CDH12: variants seen among roughly 807,000 people sequenced by gnomAD.
CDH12 encodes the protein cadherin-12.
Under a neutral mutation model 74.1 loss-of-function variants are expected in CDH12, and 41 were observed. The observed-to-expected ratio is 0.55, with a 90% confidence interval of 0.43 to 0.72. The LOEUF (loss-of-function observed/expected upper bound fraction) is 0.72, where lower values mean the gene tolerates loss of function less well. CDH12 is among the 30% of genes least tolerant of loss of function. CDH12 has a pLI of 0.00. For missense variants in CDH12, 945 were observed against 977.2 expected, an observed-to-expected ratio of 0.97 and a Z score of 0.44; for synonymous variants, 399 against 355.0, an observed-to-expected ratio of 1.12 and a Z score of -1.39.
chr5:22,262,167 T>G (rs1753539604), intron 3 of CDH12, among the ~76,000 whole-genome samples: 1 of 151,886 alleles, frequency 6.6e-6, no homozygotes, highest in Admixed American at 6.6e-5. Flanking sequence ...GTGCACATTG[T>G]GCAGGTTAGT....
chr5:21,943,475 A>G (rs904115759), intron 6 of CDH12, among the ~76,000 whole-genome samples: 1 of 152,160 alleles, frequency 6.6e-6, no homozygotes, highest in African/African-American at 2.4e-5. Flanking sequence ...GTGTAGAAAA[A>G]AAAATGTGAA....
At chr5:21,910,480 G>T (rs763728216) in intron 6 of CDH12, among the ~76,000 whole-genome samples, 1 of 152,038 alleles carries the variant, frequency 6.6e-6, no homozygotes, top group Non-Finnish European at 1.5e-5. Context: ...TTTCTTGCAA[G>T]ATCGTGCAAA....
chr5:22,244,739 GA>G (rs1336505349), intron 3 of CDH12, among the ~76,000 whole-genome samples: 127 of 71,686 alleles, frequency 1.8e-3, no homozygotes, highest in East Asian at 1.5e-3. Context: ...AAGAAAGAAA[GA>G]AAAGAAAGAA....
At chr5:22,644,249 C>T (rs1739318524) in intron 1 of CDH12, among the ~76,000 whole-genome samples, 1 of 151,948 alleles carries the variant, frequency 6.6e-6, no homozygotes, top group African/African-American at 2.4e-5. Context: ...CTGCTAGGAC[C>T]CTCGCAATAA....
intron 4 of CDH12, among the ~76,000 whole-genome samples, chr5:22,149,072 C>A (rs1481066104): frequency 6.6e-6 from 1 of 152,104 alleles, no homozygotes; most frequent in Non-Finnish European, 1.5e-5. Context: ...GAGCCAAGAT[C>A]GTGTCACTGC....
intron 4 of CDH12, among the ~76,000 whole-genome samples, chr5:22,154,145 G>A (rs188118167): frequency 6.0e-4 from 90 of 150,150 alleles, no homozygotes; most frequent in Middle Eastern, 6.8e-3. Context: ...GCTGTACACT[G>A]TGATGTTTTG....
intron 4 of CDH12, among the ~76,000 whole-genome samples, chr5:22,158,395 A>T (rs1748147041): frequency 1.3e-5 from 2 of 152,172 alleles, no homozygotes; most frequent in Admixed American, 1.3e-4. Context: ...ATCACAAGTC[A>T]GTTGTCTTGT....
intron 1 of CDH12, among the ~76,000 whole-genome samples, chr5:22,558,592 G>C (rs1392356255): frequency 6.6e-6 from 1 of 151,810 alleles, no homozygotes; most frequent in Admixed American, 6.6e-5. Context: ...AAAGCCAAGA[G>C]AGACTTGAAG....
chr5:22,774,426 G>T (rs1580987005), intron 1 of CDH12, among the ~76,000 whole-genome samples: 1 of 152,066 alleles, frequency 6.6e-6, no homozygotes, highest in East Asian at 1.9e-4. Flanking sequence ...TAAACATTGG[G>T]TACACACGTG....
At chr5:21,925,777 TTTAA>T (rs755280884) in intron 6 of CDH12, among the ~76,000 whole-genome samples, 1 of 152,144 alleles carries the variant, frequency 6.6e-6, no homozygotes. Flanking sequence ...TAATAGAATG[TTTAA>T]TTAATAAGAG....
intron 1 of CDH12, among the ~76,000 whole-genome samples, chr5:22,721,379 G>C (rs1743874835): frequency 6.6e-6 from 1 of 152,210 alleles, no homozygotes; most frequent in Non-Finnish European, 1.5e-5. Flanking sequence ...GATTTGCATG[G>C]GGCTTATAGC....
At chr5:21,809,903 T>C (rs1484365565) in intron 9 of CDH12, among the ~76,000 whole-genome samples, 1 of 151,970 alleles carries the variant, frequency 6.6e-6, no homozygotes, top group African/African-American at 2.4e-5. Context: ...GGGGACAAAA[T>C]AAAGGAGTGA....
intron 3 of CDH12, among the ~76,000 whole-genome samples, chr5:22,306,229 C>T (rs937533118): frequency 1.3e-5 from 2 of 152,128 alleles, no homozygotes; most frequent in African/African-American, 4.8e-5. Flanking sequence ...CAGCACATGG[C>T]CGTTTGTATC....
At chr5:22,573,699 A>AT (rs541751932) in intron 1 of CDH12, among the ~76,000 whole-genome samples, 3 of 151,842 alleles carry the variant, frequency 2.0e-5, no homozygotes, top group Non-Finnish European at 2.9e-5. Flanking sequence ...GTATTTGTGT[A>AT]TTTTTTTTCT....
intron 10 of CDH12, among the ~76,000 whole-genome samples, chr5:21,797,224 AGAT>A (rs988393017): frequency 5.3e-5 from 8 of 151,942 alleles, no homozygotes; most frequent in Non-Finnish European, 7.4e-5. Context: ...AAGATGATGA[AGAT>A]GATGATGATA....
At chr5:22,477,265 G>C (rs1264699211) in intron 2 of CDH12, among the ~76,000 whole-genome samples, 3 of 152,006 alleles carry the variant, frequency 2.0e-5, no homozygotes, top group Non-Finnish European at 4.4e-5. Flanking sequence ...CCTCCAAAAA[G>C]TCCCAGCCTG....
chr5:22,663,970 G>A (rs893946154), intron 1 of CDH12, among the ~76,000 whole-genome samples: 2 of 151,826 alleles, frequency 1.3e-5, no homozygotes, highest in African/African-American at 4.8e-5. Context: ...ATTTCCTGGT[G>A]TTAGATATTT....
intron 4 of CDH12, among the ~76,000 whole-genome samples, chr5:22,153,951 T>C (rs1004401587): frequency 6.1e-5 from 9 of 146,796 alleles, no homozygotes; most frequent in Non-Finnish European, 1.0e-4. Context: ...TATATATGTG[T>C]ATATGTGTAT....
intron 6 of CDH12, among the ~76,000 whole-genome samples, chr5:21,960,070 G>A (rs1756287374): frequency 6.6e-6 from 1 of 151,916 alleles, no homozygotes; most frequent in Admixed American, 6.6e-5. Context: ...GTACAAAGAG[G>A]CTCCCACACA....
Sources: gnomAD v4.1 joint callset for allele counts (sites outside exome capture counted in the v4.1 genomes callset) on GRCh38, gnomAD v4.1.1 for gene constraint, MANE v1.5 for transcripts, NCBI Gene and HGNC (gene_info 2026-07-23, HGNC 2026-07-21) for gene names.